SVEP1: variants seen among roughly 807,000 people sequenced by gnomAD.
SVEP1 encodes the protein sushi, von Willebrand factor type A, EGF and pentraxin domain-containing protein 1.
SVEP1 carries 164 observed loss-of-function variants against 367.3 expected under a neutral mutation model. The ratio of observed to expected loss-of-function variants is 0.45; its 90% CI spans 0.39 to 0.51. SVEP1 has a LOEUF of 0.51. Ranked by LOEUF, SVEP1 falls within the 20% of genes least tolerant of loss-of-function variation. The pLI is 0.00. For missense variants in SVEP1, 4,117 were observed against 4,425.3 expected, an observed-to-expected ratio of 0.93 and a Z score of 1.98; for synonymous variants, 1,666 against 1,611.6, an observed-to-expected ratio of 1.03 and a Z score of -0.81.
chr9:110,402,044 AT>A (rs1644129791), intron 39 of SVEP1, among the ~76,000 whole-genome samples: 1 of 151,974 alleles, frequency 6.6e-6, no homozygotes, highest in South Asian at 2.1e-4. Flanking sequence ...TGCCTTAATA[AT>A]TTTTTATTTT....
At chr9:110,479,383 T>C (rs1829150030) in intron 13 of SVEP1, among the ~76,000 whole-genome samples, 1 of 152,152 alleles carries the variant, frequency 6.6e-6, no homozygotes, top group South Asian at 2.1e-4. Flanking sequence ...ATAAAGGCAT[T>C]CTCCAACCAT....
chr9:110,485,561 C>A (rs1829263056), intron 9 of SVEP1, among the ~76,000 whole-genome samples: 1 of 151,998 alleles, frequency 6.6e-6, no homozygotes, highest in African/African-American at 2.4e-5. Context: ...ACTTGCACAT[C>A]CTGCACTTGT....
chr9:110,474,723 C>A (rs531981649), intron 14 of SVEP1, among the ~76,000 whole-genome samples: 2 of 152,234 alleles, frequency 1.3e-5, no homozygotes, highest in East Asian at 3.9e-4. Context: ...TATCTAAAAC[C>A]TTAATTTCCA....
At position 110,475,024 on chromosome 9, in the gene SVEP1, G is replaced by A. The variant is rs185587408; in HGVS notation, c.2599+1180C>T. ...TATATATAGTATGGTATATATATGT[G>A]TATCTACATACATATATACTTATAA... On this transcript the variant is annotated intron_variant, in intron 14 of 47. Transcript: ENST00000374469. Among the ~76,000 whole-genome samples the A allele has an allele frequency of 4.2e-3, 637 of 150,694 alleles. 5 individuals are homozygous for A. Among genetic ancestry groups the A allele is most frequent in the African/African-American group, 0.015 (599 of 41,212 alleles).
chr9:110,492,747 AT>A (rs1438687671), intron 8 of SVEP1, among the ~76,000 whole-genome samples: 1 of 152,138 alleles, frequency 6.6e-6, no homozygotes, highest in East Asian at 1.9e-4. Context: ...ACAACCACTC[AT>A]AGAACATTGG....
At position 110,390,275 on chromosome 9, in the gene SVEP1, T is replaced by TTATATAAGTATGTGTATATATACA. The variant is rs1564127458; in HGVS notation, c.9823-689_9823-688insTGTATATATACACATACTTATATA. Among the ~76,000 whole-genome samples, 6 of 67,904 alleles carry TTATATAAGTATGTGTATATATACA rather than the reference T, an allele frequency of 8.8e-5. 1 individual carries two copies. The highest frequency in any genetic ancestry group is 3.9e-4 in the African/African-American group (6 of 15,418). 44.5% of individuals were successfully genotyped at this position (67,904 alleles called of 152,430 possible). A position where few individuals can be genotyped will look rare whatever the true frequency, so the allele number is the denominator to read the frequency against. On this transcript the variant is annotated intron_variant, in intron 40 of 47. Transcript: ENST00000374469. ...CTTATATAAGTATGTATATATATAC[T>TTATATAAGTATGTGTATATATACA]TATATATATACATACTTATATATAC...
intron 22 of SVEP1, among the ~76,000 whole-genome samples, chr9:110,451,814 A>T (rs575497526): frequency 1.2e-3 from 178 of 152,350 alleles, no homozygotes; most frequent in Non-Finnish European, 2.2e-3. Context: ...AATGAAGAAA[A>T]TAACTCATTT....
intron 18 of SVEP1, among the ~76,000 whole-genome samples, chr9:110,461,022 G>A (rs1302727953): frequency 6.6e-6 from 1 of 151,854 alleles, no homozygotes; most frequent in Non-Finnish European, 1.5e-5. Flanking sequence ...TGTATTCGTC[G>A]GTCTGGAAAT....
intron 3 of SVEP1, among the ~76,000 whole-genome samples, chr9:110,524,324 C>G (rs914313466): frequency 5.9e-5 from 9 of 151,956 alleles, no homozygotes; most frequent in African/African-American, 2.2e-4. Flanking sequence ...CTAGTGTTAC[C>G]CTGATACCTA....
rs748264881 is a variant in SVEP1 at position 110,430,002 on chromosome 9, C to T, written c.5533G>A (p.Val1845Ile). ...WNHLIPYCKA[V>I]SCGKPAIPEN... ...GGAATAGCCGGTTTACCACATGAAA[C>T]AGCTTAACAAAGGAAAAACAAACAC... Residue 1845 changes from valine (V) to isoleucine (I), a missense_variant and splice_region_variant, in exon 34 of 48, where the codon GTT (valine) becomes ATT (isoleucine). Transcript: ENST00000374469. The T allele has an allele frequency of 2.1e-5, 34 of 1,611,602 alleles. No homozygotes were observed. The highest frequency in any genetic ancestry group is 2.9e-5 in the Non-Finnish European group (34 of 1,179,662).
intron 3 of SVEP1, 118 bp downstream of exon 3, chr9:110,545,997 G>T: frequency 8.0e-7 from 1 of 1,251,094 alleles, no homozygotes; most frequent in South Asian, 1.5e-5. Flanking sequence ...AAAGAGATGT[G>T]CCACTGACCC....
At chr9:110,512,884 G>T in intron 5 of SVEP1, 42 bp downstream of exon 5, 1 of 1,608,978 alleles carries the variant, frequency 6.2e-7, no homozygotes, top group Non-Finnish European at 8.5e-7. Context: ...AGGAAATCAG[G>T]CAAGACAGTA....
intron 36 of SVEP1, among the ~76,000 whole-genome samples, chr9:110,426,498 G>A (rs1828254734): frequency 6.6e-6 from 1 of 152,064 alleles, no homozygotes; most frequent in Admixed American, 6.6e-5. Context: ...TTTCCCTAAG[G>A]CCCCACAGTT....
In SVEP1 at chr9:110,416,698, C is replaced by T. The variant is rs192096515; in HGVS notation, c.5976-4963G>A. Among the ~76,000 whole-genome samples the T allele has an allele frequency of 2.4e-3, 372 of 152,022 alleles. 2 individuals are homozygous for T. The highest frequency in any genetic ancestry group is 3.8e-3 in the Non-Finnish European group (259 of 67,994). ...AACAAGATGAATGACAATAAATACA[C>T]CATAGTCATCTCATAGCAAAACACT... is the stretch of plus-strand genomic sequence containing the variant. On this transcript the variant is annotated intron_variant, in intron 36 of 47. Coordinates refer to ENST00000374469, the MANE Select transcript of SVEP1 (RefSeq NM_153366.4).
At chr9:110,375,489 A>AAAC in intron 45 of SVEP1, 26 bp from the exon 46 acceptor site, 1 of 1,362,668 alleles carries the variant, frequency 7.3e-7, no homozygotes, top group Non-Finnish European at 1.0e-6. Flanking sequence ...AAAAAAAAAA[A>AAAC]AGGAGGCAGG....
chr9:110,379,964 T>G (rs1205624041), intron 43 of SVEP1, among the ~76,000 whole-genome samples: 3 of 152,220 alleles, frequency 2.0e-5, no homozygotes. Flanking sequence ...CATTTATTAG[T>G]GCCTAGCATG....
intron 3 of SVEP1, among the ~76,000 whole-genome samples, chr9:110,534,330 C>T (rs935513894): frequency 7.2e-5 from 11 of 152,198 alleles, no homozygotes; most frequent in African/African-American, 2.7e-4. Context: ...CTTCCAACTC[C>T]ATCTATGTTC....
At chr9:110,473,989 T>C (rs913294258) in intron 14 of SVEP1, among the ~76,000 whole-genome samples, 1 of 152,188 alleles carries the variant, frequency 6.6e-6, no homozygotes, top group Non-Finnish European at 1.5e-5. Flanking sequence ...GGTCAAAAAT[T>C]GCATTCCACT....
intron 18 of SVEP1, among the ~76,000 whole-genome samples, chr9:110,464,793 T>C (rs1332197071): frequency 6.6e-6 from 1 of 152,228 alleles, no homozygotes; most frequent in Admixed American, 6.5e-5. Flanking sequence ...GGAATGTTTG[T>C]TCAGTTCCCA....
Sources: gnomAD v4.1 joint callset for allele counts (sites outside exome capture counted in the v4.1 genomes callset) on GRCh38, gnomAD v4.1.1 for gene constraint, MANE v1.5 for transcripts, NCBI Gene and HGNC (gene_info 2026-07-23, HGNC 2026-07-21) for gene names.